Variants in ARMC3 observed in about 807,000 individuals in gnomAD.
The protein encoded by ARMC3 is armadillo repeat containing 3.
A neutral mutation model predicts 90.3 loss-of-function variants in ARMC3; 74 were observed. That is an observed-to-expected ratio of 0.82 (90% CI 0.68 to 0.99). The LOEUF (loss-of-function observed/expected upper bound fraction) is 0.99, where lower values mean the gene tolerates loss of function less well. Among genes scored for constraint, ARMC3 ranks in the 50% least tolerant of loss-of-function variants. The pLI, the probability that ARMC3 is intolerant of heterozygous loss-of-function variation, is 0.00. For synonymous variants in ARMC3, 334 were observed against 361.8 expected (o/e 0.92, Z 0.87); for missense variants, 958 against 1,042.8 (o/e 0.92, Z 1.12).
intron 3 of ARMC3, among the ~76,000 whole-genome samples, chr10:22,953,558 A>C (rs1834814385): frequency 1.3e-5 from 2 of 152,262 alleles, no homozygotes; most frequent in African/African-American, 2.4e-5. Context: ...TACAAAAAAA[A>C]CCTATGGCTT....
At chr10:22,940,751 G>T (rs903125305) in intron 2 of ARMC3, among the ~76,000 whole-genome samples, 1 of 152,198 alleles carries the variant, frequency 6.6e-6, no homozygotes, top group Non-Finnish European at 1.5e-5. Context: ...CTCCCAAAGT[G>T]CTGGGATTAC....
At chr10:22,999,334 G>C (rs777506395) in intron 11 of ARMC3, among the ~76,000 whole-genome samples, 9 of 152,166 alleles carry the variant, frequency 5.9e-5, no homozygotes, top group Non-Finnish European at 1.2e-4. Flanking sequence ...GATTGCTTGA[G>C]GCCAGGAGTT....
At chr10:22,961,683 A>G in intron 6 of ARMC3, 1 of 515,498 alleles carries the variant, frequency 1.9e-6, no homozygotes, top group Non-Finnish European at 3.4e-6. Context: ...GTTGTAGACA[A>G]TGTCTACATA....
chr10:22,968,201 A>G, intron 7 of ARMC3, 105 bp from the exon 8 acceptor site: 1 of 1,052,472 alleles, frequency 9.5e-7, no homozygotes, highest in Non-Finnish European at 1.4e-6. Context: ...CACAACAAAA[A>G]TCATGACATT....
chr10:22,982,895 C>T (rs931454168), intron 10 of ARMC3, among the ~76,000 whole-genome samples: 1 of 152,150 alleles, frequency 6.6e-6, no homozygotes, highest in Non-Finnish European at 1.5e-5. Flanking sequence ...ATTATAAGAT[C>T]CTAATGCAAT....
intron 13 of ARMC3, among the ~76,000 whole-genome samples, chr10:23,004,165 C>T (rs1297584953): frequency 6.7e-6 from 1 of 150,102 alleles, no homozygotes. Context: ...TTTGGGGGCT[C>T]TATTATCTGT....
chr10:23,004,684 C>T (rs984396224), intron 13 of ARMC3, among the ~76,000 whole-genome samples: 7 of 152,086 alleles, frequency 4.6e-5, no homozygotes, highest in African/African-American at 9.7e-5. Flanking sequence ...CACTGAGCCC[C>T]GGTTGCAGGA....
chr10:23,004,130 T>TA (rs201287100), intron 13 of ARMC3, among the ~76,000 whole-genome samples: 97 of 145,620 alleles, frequency 6.7e-4, no homozygotes, highest in Non-Finnish European at 9.5e-4. Context: ...ACCTGTCTTT[T>TA]AAAAAAAAAA....
chr10:22,944,855 T>A (rs1834464769), intron 2 of ARMC3, among the ~76,000 whole-genome samples: 1 of 152,338 alleles, frequency 6.6e-6, no homozygotes, highest in East Asian at 1.9e-4. Context: ...CCTTTTCTCA[T>A]TGGATCATGT....
intron 16 of ARMC3, chr10:23,014,074 C>A: frequency 6.5e-7 from 1 of 1,549,366 alleles, no homozygotes; most frequent in Non-Finnish European, 8.7e-7. Flanking sequence ...TCTTCACTCT[C>A]CCTCTTCCTC....
At chr10:23,031,792 T>A (rs1439393690) in intron 17 of ARMC3, among the ~76,000 whole-genome samples, 1 of 152,140 alleles carries the variant, frequency 6.6e-6, no homozygotes, top group Non-Finnish European at 1.5e-5. Context: ...CAGAGATATG[T>A]CCCCATGGCT....
chr10:22,960,056 A>G, intron 6 of ARMC3: 1 of 314,686 alleles, frequency 3.2e-6, no homozygotes, highest in South Asian at 2.7e-5. Context: ...ATGCTACCTC[A>G]CTGTGCTGTT....
intron 17 of ARMC3, 80 bp from the exon 18 acceptor site, chr10:23,032,781 T>C: frequency 7.5e-7 from 1 of 1,336,612 alleles, no homozygotes; most frequent in South Asian, 1.4e-5. Flanking sequence ...TTTACATGTA[T>C]ATTTACATGT....
intron 3 of ARMC3, among the ~76,000 whole-genome samples, chr10:22,948,466 G>T (rs1434119324): frequency 1.3e-5 from 2 of 151,812 alleles, no homozygotes; most frequent in Non-Finnish European, 2.9e-5. Flanking sequence ...AAAAAAAAAT[G>T]ATAGGACTTT....
At chr10:22,936,699 G>C (rs141805270) in intron 2 of ARMC3, among the ~76,000 whole-genome samples, 2 of 152,232 alleles carry the variant, frequency 1.3e-5, no homozygotes, top group African/African-American at 4.8e-5. Flanking sequence ...ATTTAGTCAT[G>C]TGGCACTCTG....
chr10:23,015,098 G>C (rs1250866248), intron 16 of ARMC3, among the ~76,000 whole-genome samples: 1 of 152,060 alleles, frequency 6.6e-6, no homozygotes, highest in African/African-American at 2.4e-5. Flanking sequence ...GAGGAGAGAA[G>C]AGATGGGAAA....
At chr10:22,995,150 G>T (rs1299983329) in intron 10 of ARMC3, among the ~76,000 whole-genome samples, 1 of 152,150 alleles carries the variant, frequency 6.6e-6, no homozygotes, top group Admixed American at 6.5e-5. Flanking sequence ...ACAGGCTTCA[G>T]CTTGTGTACA....
At chr10:22,934,269 C>T (rs188728922) in intron 2 of ARMC3, among the ~76,000 whole-genome samples, 32 of 152,214 alleles carry the variant, frequency 2.1e-4, no homozygotes, top group Admixed American at 1.1e-3. Context: ...AGGATTAGAA[C>T]AAAAAGCTCC....
chr10:22,989,185 A>G (rs192258163), intron 10 of ARMC3, among the ~76,000 whole-genome samples: 1 of 152,342 alleles, frequency 6.6e-6, no homozygotes, highest in African/African-American at 2.4e-5. Flanking sequence ...CTAAGATAAT[A>G]TTTCCAAAAC....
Sources: allele counts gnomAD v4.1 joint callset (sites outside exome capture counted in the v4.1 genomes callset), GRCh38; gene constraint gnomAD v4.1.1; transcripts MANE v1.5; gene names NCBI Gene and HGNC (gene_info 2026-07-23, HGNC 2026-07-21).